The following CNOT9 variants were observed in gnomAD, a reference collection of about 807,000 sequenced individuals.
CNOT9 encodes CCR4-NOT transcription complex subunit 9.
In CNOT9, 8 loss-of-function variants were observed where a neutral mutation model predicts 37.4. That is an observed-to-expected ratio of 0.21 (90% CI 0.13 to 0.39). The LOEUF is 0.39. Ranked by LOEUF, CNOT9 falls within the 10% of genes least tolerant of loss-of-function variation. The pLI, the probability that CNOT9 is intolerant of heterozygous loss-of-function variation, is 1.00. For missense variants in CNOT9, 154 were observed against 365.3 expected (o/e 0.42, Z 4.71); for synonymous variants, 120 against 137.6 (o/e 0.87, Z 0.90).
chr2:218,585,351 A>C (rs1160171507), intron 4 of CNOT9, among the ~76,000 whole-genome samples: 3 of 152,122 alleles, frequency 2.0e-5, no homozygotes, highest in African/African-American at 7.2e-5. Flanking sequence ...AGGAATATGA[A>C]TCTGTCAGTT....
At chr2:218,584,125 A>T in intron 3 of CNOT9, among the ~76,000 whole-genome samples, 1 of 152,234 alleles carries the variant, frequency 6.6e-6, no homozygotes, top group East Asian at 1.9e-4. Flanking sequence ...TCTATTTTTT[A>T]AAATCCACAA....
At chr2:218,587,370 G>A (rs541463141) in intron 4 of CNOT9, 29 of 934,904 alleles carry the variant, frequency 3.1e-5, no homozygotes, top group Admixed American at 1.1e-4. Flanking sequence ...TGATCTGCCC[G>A]CCTCGGCCTC....
chr2:218,585,942 G>A (rs572278129), intron 4 of CNOT9, among the ~76,000 whole-genome samples: 2 of 152,144 alleles, frequency 1.3e-5, no homozygotes, highest in East Asian at 1.9e-4. Context: ...GCACCTAGCT[G>A]AAATTTTTTT....
At chr2:218,580,011 C>G (rs1319025690) in intron 1 of CNOT9, among the ~76,000 whole-genome samples, 4 of 150,540 alleles carry the variant, frequency 2.7e-5, no homozygotes, top group Non-Finnish European at 5.9e-5. Flanking sequence ...CTCTGTCGCC[C>G]AGGCTGGAGT....
intron 2 of CNOT9, among the ~76,000 whole-genome samples, chr2:218,581,272 G>T (rs796977703): frequency 2.6e-5 from 4 of 151,074 alleles, no homozygotes; most frequent in African/African-American, 9.7e-5. Context: ...GGGTTGAAGT[G>T]GTTCTCCTGC....
chr2:218,588,375 G>A (rs1286721751), intron 5 of CNOT9, among the ~76,000 whole-genome samples: 3 of 148,904 alleles, frequency 2.0e-5, no homozygotes, highest in Non-Finnish European at 4.4e-5. Context: ...TGCAACCTCC[G>A]CCTCCCGGGT....
intron 7 of CNOT9, chr2:218,593,617 TTTTCAC>T: frequency 6.9e-7 from 1 of 1,443,114 alleles, no homozygotes. Context: ...CATAGTTTTG[TTTTCAC>T]TGCTCATCTC....
At position 218,592,217 on chromosome 2, in the gene CNOT9, T is replaced by A; in HGVS notation, c.541-87T>A. 1 of 948,930 alleles carries A rather than the reference T, an allele frequency of 1.1e-6. No homozygotes were observed. Among genetic ancestry groups the A allele is most frequent in the South Asian group, 1.4e-5 (1 of 69,840 alleles). 58.8% of individuals were successfully genotyped at this position (948,930 alleles called of 1,614,324 possible). ...ATCCCTGCTTGCTCAATTTTCTGAC[T>A]GATAGTCATGCCTGGGAAAATGAGT... On this transcript the variant is annotated intron_variant, in intron 5 of 7. Coordinates refer to ENST00000273064, the MANE Select transcript of CNOT9 (RefSeq NM_005444.3). This position sits in a 1 kb window ranked among gnomAD's most constrained non-coding sequence, Gnocchi z 4.1.
chr2:218,592,802 A>T lies in CNOT9; in HGVS notation c.731+95A>T, dbSNP rs752813328. ...TAGCTCCTGTGTCTTTAGGACAGGG[A>T]AGTGGGGATATAACTGCATTTAGTT... On this transcript the variant is annotated intron_variant, in intron 7 of 7. Transcript: ENST00000273064. This position sits in a 1 kb window ranked among gnomAD's most constrained non-coding sequence, Gnocchi z 4.1. The T allele has an allele frequency of 2.1e-6, 2 of 936,660 alleles. No homozygotes were observed. Among genetic ancestry groups the T allele is most frequent in the Admixed American group, 1.9e-5 (1 of 51,570 alleles). The allele number at this position is 936,660 out of a possible 1,614,324, so 58.0% of individuals were successfully genotyped here. A position where few individuals can be genotyped will look rare whatever the true frequency, so the allele number is the denominator to read the frequency against.
chr2:218,588,166 A>G (rs536497406), intron 5 of CNOT9, among the ~76,000 whole-genome samples: 1 of 152,272 alleles, frequency 6.6e-6, no homozygotes, highest in South Asian at 2.1e-4. Flanking sequence ...CTAACATTGA[A>G]TATTGCAGAG....
intron 5 of CNOT9, among the ~76,000 whole-genome samples, chr2:218,590,926 A>G (rs547931048): frequency 1.6e-4 from 24 of 152,210 alleles, no homozygotes; most frequent in Middle Eastern, 3.4e-3. Context: ...CCTGGCCTCA[A>G]GCAGTCCTCC....
chr2:218,584,377 C>T (rs1380273337), intron 3 of CNOT9, among the ~76,000 whole-genome samples: 1 of 152,160 alleles, frequency 6.6e-6, no homozygotes, highest in Non-Finnish European at 1.5e-5. Context: ...CTTCATAATC[C>T]TGAGTTGTGA....
rs1279506136 is a variant in CNOT9, at chr2:218,596,320, G to A, written c.*2044G>A. 6.6e-6 allele frequency: 1 copy of A among 152,178 alleles called. No homozygotes were observed. Among genetic ancestry groups the A allele is most frequent in the Non-Finnish European group, 1.5e-5 (1 of 68,046 alleles). The allele number at this position is 152,178 out of a possible 1,614,324, so 9.4% of individuals were successfully genotyped here. ...GATGGAATGGGTATTATTCATTGTA[G>A]TTGATCCTGGTGTGTGTATTATATA... is the stretch of plus-strand genomic sequence containing the variant. On this transcript the variant is annotated 3_prime_UTR_variant, in exon 8 of 8. Coordinates refer to ENST00000273064, the MANE Select transcript of CNOT9 (RefSeq NM_005444.3).
intron 5 of CNOT9, among the ~76,000 whole-genome samples, chr2:218,591,335 G>C (rs1376789876): frequency 6.6e-6 from 1 of 152,158 alleles, no homozygotes; most frequent in African/African-American, 2.4e-5. Flanking sequence ...CAAGTTGAGG[G>C]AAAAATTGAG....
chr2:218,594,512 G>T lies in CNOT9; in HGVS notation c.*236G>T. The T allele has an allele frequency of 3.8e-6, 2 of 532,076 alleles. No individual in the cohort carries two copies. 33.0% of individuals were successfully genotyped at this position (532,076 alleles called of 1,614,324 possible). A position where few individuals can be genotyped will look rare whatever the true frequency, so the allele number is the denominator to read the frequency against. ...AAATGGGCTCCTGACACAGCAGTCTGCCACCACAGCCCCAGGAGGGTGTCA... is the reference window on the plus strand; with the variant it reads ...AAATGGGCTCCTGACACAGCAGTCTTCCACCACAGCCCCAGGAGGGTGTCA... On this transcript the variant is annotated 3_prime_UTR_variant, in exon 8 of 8. Coordinates refer to ENST00000273064, the MANE Select transcript of CNOT9 (RefSeq NM_005444.3).
intron 1 of CNOT9, among the ~76,000 whole-genome samples, chr2:218,575,828 T>C (rs1181815137): frequency 6.6e-6 from 1 of 152,240 alleles, no homozygotes; most frequent in Non-Finnish European, 1.5e-5. Context: ...TAGATTAATT[T>C]GCTTGCCTGT....
At chr2:218,584,929 A>G (rs988749718) in intron 4 of CNOT9, among the ~76,000 whole-genome samples, 9 of 152,326 alleles carry the variant, frequency 5.9e-5, no homozygotes, top group South Asian at 4.1e-4. Flanking sequence ...TTGAGATCCA[A>G]CATTTGGGAT....
intron 5 of CNOT9, among the ~76,000 whole-genome samples, chr2:218,588,628 G>T (rs1694675064): frequency 1.1e-5 from 1 of 91,968 alleles, no homozygotes. Flanking sequence ...ATGGAGTGAT[G>T]TAATCTCAGC....
At chr2:218,574,014 G>A (rs1002226699) in intron 1 of CNOT9, 1 of 431,398 alleles carries the variant, frequency 2.3e-6, no homozygotes, top group Non-Finnish European at 4.6e-6. Flanking sequence ...TTGTTACCCA[G>A]GCTGGAGTGC....
Sources: gnomAD v4.1 joint callset for allele counts (sites outside exome capture counted in the v4.1 genomes callset) on GRCh38, gnomAD v4.1.1 for gene constraint, Gnocchi (gnomAD v3.1) non-coding constraint, MANE v1.5 for transcripts, NCBI Gene and HGNC (gene_info 2026-07-23, HGNC 2026-07-21) for gene names.